RBFOX1: variants seen among roughly 807,000 people sequenced by gnomAD.
The protein encoded by RBFOX1 is RNA binding protein fox-1 homolog 1.
Under a neutral mutation model 57.7 loss-of-function variants are expected in RBFOX1, and 8 were observed. The observed-to-expected ratio is 0.14, with a 90% CI of 0.08 to 0.25. The LOEUF (loss-of-function observed/expected upper bound fraction) is 0.25. Ranked by LOEUF, RBFOX1 falls within the 10% of genes least tolerant of loss-of-function variation. The pLI is 1.00. For missense variants in RBFOX1, 611 were observed against 548.5 expected, an observed-to-expected ratio of 1.11 and a Z score of -1.14; for synonymous variants, 326 against 222.4, an observed-to-expected ratio of 1.47 and a Z score of -4.15.
intron 4 of RBFOX1, among the ~76,000 whole-genome samples, chr16:5,924,657 T>C (rs1427995175): frequency 6.6e-6 from 1 of 152,180 alleles, no homozygotes; most frequent in African/African-American, 2.4e-5. Flanking sequence ...TGCAGAACCA[T>C]GAGCTAAATA....
chr16:5,626,242 G>T (rs1309166366), intron 3 of RBFOX1, among the ~76,000 whole-genome samples: 2 of 152,200 alleles, frequency 1.3e-5, no homozygotes, highest in Non-Finnish European at 2.9e-5. Flanking sequence ...AGTTCTGGAG[G>T]CAAGCAGTCA....
intron 2 of RBFOX1, among the ~76,000 whole-genome samples, chr16:6,618,637 C>G (rs1027794502): frequency 1.2e-4 from 19 of 152,184 alleles, no homozygotes; most frequent in African/African-American, 4.6e-4. Flanking sequence ...GGTTACGTGG[C>G]TAGTGCGTGA....
At chr16:5,444,672 T>C (rs2068187910) in intron 1 of RBFOX1, among the ~76,000 whole-genome samples, 1 of 152,074 alleles carries the variant, frequency 6.6e-6, no homozygotes, top group South Asian at 2.1e-4. Flanking sequence ...AGGGAATTTT[T>C]ACAAGGGAAA....
chr16:6,138,346 T>C (rs560117214), intron 1 of RBFOX1, among the ~76,000 whole-genome samples: 1 of 152,328 alleles, frequency 6.6e-6, no homozygotes, highest in Admixed American at 6.5e-5. Flanking sequence ...TCCAATACCA[T>C]TATTGTTTTA....
intron 3 of RBFOX1, among the ~76,000 whole-genome samples, chr16:7,013,061 C>G (rs1441640764): frequency 1.3e-5 from 2 of 152,046 alleles, no homozygotes; most frequent in South Asian, 2.1e-4. Context: ...GCAGTAATCC[C>G]CTTATGAGGA....
chr16:7,423,537 A>C (rs2098567474), intron 4 of RBFOX1, among the ~76,000 whole-genome samples: 1 of 152,026 alleles, frequency 6.6e-6, no homozygotes, highest in African/African-American at 2.4e-5. Flanking sequence ...AACTTCTGTC[A>C]CCATCTGTAC....
At chr16:6,952,706 G>C (rs534829107) in intron 3 of RBFOX1, among the ~76,000 whole-genome samples, 2 of 151,974 alleles carry the variant, frequency 1.3e-5, no homozygotes, top group Non-Finnish European at 2.9e-5. Context: ...GGCCGGGCAC[G>C]GTGGCTCATG....
At chr16:7,369,107 G>A (rs963333051) in intron 4 of RBFOX1, among the ~76,000 whole-genome samples, 4 of 152,008 alleles carry the variant, frequency 2.6e-5, no homozygotes, top group African/African-American at 9.7e-5. Context: ...GAAGAAGGAG[G>A]TTTTTCACAA....
intron 2 of RBFOX1, among the ~76,000 whole-genome samples, chr16:6,409,452 T>G (rs1244716407): frequency 6.6e-6 from 1 of 152,106 alleles, no homozygotes; most frequent in Non-Finnish European, 1.5e-5. Flanking sequence ...ACCAAACACT[T>G]TGAAACTGGA....
At chr16:5,408,914 C>T (rs1293075374) in intron 1 of RBFOX1, among the ~76,000 whole-genome samples, 4 of 152,150 alleles carry the variant, frequency 2.6e-5, no homozygotes, top group South Asian at 2.1e-4. Flanking sequence ...ATGAGAAATC[C>T]GCCCCCGTGA....
At chr16:6,756,769 C>T (rs1452906351) in intron 3 of RBFOX1, among the ~76,000 whole-genome samples, 2 of 152,098 alleles carry the variant, frequency 1.3e-5, no homozygotes, top group East Asian at 1.9e-4. Flanking sequence ...GTCAGGAGTT[C>T]GAGACCAGCC....
At chr16:7,443,891 A>T (rs980430820) in intron 4 of RBFOX1, among the ~76,000 whole-genome samples, 1 of 152,216 alleles carries the variant, frequency 6.6e-6, no homozygotes, top group East Asian at 1.9e-4. Context: ...TGAACTTCCT[A>T]CAATAGGGCA....
intron 2 of RBFOX1, among the ~76,000 whole-genome samples, chr16:5,493,802 C>T (rs1188186438): frequency 1.3e-5 from 2 of 152,220 alleles, no homozygotes; most frequent in African/African-American, 4.8e-5. Flanking sequence ...GGTAACCACA[C>T]TGGAGACTGA....
At chr16:7,580,501 C>T (rs138963058) in intron 6 of RBFOX1, among the ~76,000 whole-genome samples, 1 of 152,186 alleles carries the variant, frequency 6.6e-6, no homozygotes, top group East Asian at 1.9e-4. Flanking sequence ...TTCCTGAAGT[C>T]TACGTTCTTC....
At chr16:7,181,346 C>G (rs909427310) in intron 4 of RBFOX1, among the ~76,000 whole-genome samples, 3 of 152,136 alleles carry the variant, frequency 2.0e-5, no homozygotes, top group African/African-American at 7.2e-5. Flanking sequence ...TCTCCAAACC[C>G]CTTTGGTTCT....
intron 1 of RBFOX1, among the ~76,000 whole-genome samples, chr16:6,285,756 T>A (rs2076840211): frequency 6.6e-6 from 1 of 152,124 alleles, no homozygotes; most frequent in African/African-American, 2.4e-5. Flanking sequence ...GAGATTGGAT[T>A]GTAGGTAGAC....
At chr16:7,297,474 G>A (rs775245504) in intron 4 of RBFOX1, among the ~76,000 whole-genome samples, 63 of 152,164 alleles carry the variant, frequency 4.1e-4, no homozygotes, top group Non-Finnish European at 6.8e-4. Flanking sequence ...GCTGTAAACG[G>A]ATAAGAGATT....
intron 1 of RBFOX1, among the ~76,000 whole-genome samples, chr16:5,460,914 A>G (rs1317452140): frequency 6.6e-6 from 1 of 152,082 alleles, no homozygotes; most frequent in Admixed American, 6.6e-5. Context: ...ACATATTGTC[A>G]CTTGTCATCA....
chr16:7,144,982 A>G (rs945304487), intron 4 of RBFOX1, among the ~76,000 whole-genome samples: 1 of 151,996 alleles, frequency 6.6e-6, no homozygotes, highest in African/African-American at 2.4e-5. Flanking sequence ...GGGAGATAAG[A>G]ATTCTGAAAC....
Sources: allele counts gnomAD v4.1 joint callset (sites outside exome capture counted in the v4.1 genomes callset), GRCh38; gene constraint gnomAD v4.1.1; transcripts MANE v1.5; gene names NCBI Gene and HGNC (gene_info 2026-07-23, HGNC 2026-07-21).